The following THSD7A variants were observed in gnomAD, a reference collection of about 807,000 sequenced individuals.
The protein encoded by THSD7A is thrombospondin type-1 domain-containing protein 7A.
A neutral mutation model predicts 231.3 loss-of-function variants in THSD7A; 96 were observed. That is an observed-to-expected ratio of 0.41 (90% confidence interval 0.35 to 0.49). The LOEUF (loss-of-function observed/expected upper bound fraction) is 0.49. THSD7A is among the 20% of genes least tolerant of loss of function. THSD7A has a pLI of 0.05. For missense variants in THSD7A, 2,290 were observed against 2,070.2 expected (o/e 1.11, Z -2.06); for synonymous variants, 940 against 743.3 (o/e 1.26, Z -4.30).
intron 6 of THSD7A, among the ~76,000 whole-genome samples, chr7:11,540,979 C>T (rs1385695216): frequency 1.3e-5 from 2 of 152,098 alleles, no homozygotes; most frequent in Non-Finnish European, 2.9e-5. Context: ...GACACGATAT[C>T]AGGGAGGTTA....
At chr7:11,522,824 A>C (rs902742895) in intron 6 of THSD7A, among the ~76,000 whole-genome samples, 14 of 152,166 alleles carry the variant, frequency 9.2e-5, no homozygotes, top group Non-Finnish European at 5.9e-5. Context: ...GGAAAATAAA[A>C]ATATCAATTC....
chr7:11,448,078 C>T (rs1785032226), intron 11 of THSD7A, among the ~76,000 whole-genome samples: 1 of 152,070 alleles, frequency 6.6e-6, no homozygotes, highest in South Asian at 2.1e-4. Flanking sequence ...TCTACAAGTT[C>T]TTCACATGCA....
At chr7:11,811,867 G>A (rs918142969) in intron 1 of THSD7A, among the ~76,000 whole-genome samples, 6 of 152,100 alleles carry the variant, frequency 3.9e-5, no homozygotes, top group Admixed American at 3.9e-4. Context: ...CCCTTTAAAG[G>A]ACACAGTGAA....
intron 6 of THSD7A, among the ~76,000 whole-genome samples, chr7:11,535,060 T>C (rs1310573576): frequency 6.6e-6 from 1 of 152,228 alleles, no homozygotes; most frequent in Non-Finnish European, 1.5e-5. Context: ...GGCTATTTTA[T>C]ATTTGCCATT....
chr7:11,811,501 A>G (rs1583309905), intron 1 of THSD7A, among the ~76,000 whole-genome samples: 1 of 152,180 alleles, frequency 6.6e-6, no homozygotes, highest in African/African-American at 2.4e-5. Context: ...AAAGAAACCT[A>G]CTGTATAAAT....
intron 6 of THSD7A, among the ~76,000 whole-genome samples, chr7:11,535,015 G>A (rs1483773356): frequency 6.6e-6 from 1 of 152,096 alleles, no homozygotes; most frequent in Non-Finnish European, 1.5e-5. Flanking sequence ...GCTCTGTGTT[G>A]TGTTAAGGTA....
chr7:11,386,652 C>T (rs1390839761), intron 23 of THSD7A, among the ~76,000 whole-genome samples: 4 of 152,270 alleles, frequency 2.6e-5, no homozygotes, highest in Admixed American at 6.5e-5. Flanking sequence ...TTCTCCCAAT[C>T]GGCAGGTTGC....
At chr7:11,493,070 A>C (rs914688893) in intron 6 of THSD7A, among the ~76,000 whole-genome samples, 2 of 152,128 alleles carry the variant, frequency 1.3e-5, no homozygotes, top group African/African-American at 4.8e-5. Context: ...GCATTTATGA[A>C]AAGTTGCTCA....
At chr7:11,548,592 C>T in intron 4 of THSD7A, among the ~76,000 whole-genome samples, 1 of 152,056 alleles carries the variant, frequency 6.6e-6, no homozygotes, top group East Asian at 1.9e-4. Context: ...CCCTGATGAA[C>T]ATAGATGCAA....
intron 1 of THSD7A, among the ~76,000 whole-genome samples, chr7:11,735,520 G>A (rs575206908): frequency 6.6e-6 from 1 of 151,718 alleles, no homozygotes; most frequent in South Asian, 2.1e-4. Context: ...TAATTTTTAT[G>A]TTTAGACTTG....
intron 1 of THSD7A, among the ~76,000 whole-genome samples, chr7:11,651,430 A>G (rs1365071336): frequency 6.6e-6 from 1 of 152,022 alleles, no homozygotes; most frequent in East Asian, 1.9e-4. Context: ...TGGTCAAAAT[A>G]GTAAATTTTA....
intron 22 of THSD7A, 50 bp from the exon 23 acceptor site, chr7:11,402,018 A>G: frequency 2.6e-6 from 4 of 1,531,682 alleles, no homozygotes; most frequent in Non-Finnish European, 3.5e-6. Flanking sequence ...GAGAAAAGCC[A>G]GCCCGATAAT....
chr7:11,467,485 GTAAT>G (rs201817778), intron 9 of THSD7A, among the ~76,000 whole-genome samples: 1,670 of 152,164 alleles, frequency 0.011, 25 homozygotes, highest in African/African-American at 0.038. Flanking sequence ...CAATAAATAA[GTAAT>G]TAAATAAGTA....
chr7:11,800,991 A>T (rs1450162914), intron 1 of THSD7A, among the ~76,000 whole-genome samples: 2 of 152,132 alleles, frequency 1.3e-5, no homozygotes, highest in Non-Finnish European at 2.9e-5. Flanking sequence ...GTAAACATAT[A>T]TGTCCAAACT....
At chr7:11,551,716 A>G (rs1789634972) in intron 4 of THSD7A, among the ~76,000 whole-genome samples, 1 of 152,052 alleles carries the variant, frequency 6.6e-6, no homozygotes, top group South Asian at 2.1e-4. Flanking sequence ...CAAGGTTTCT[A>G]AGAAAAGAGA....
At chr7:11,540,590 T>G (rs62432835) in intron 6 of THSD7A, among the ~76,000 whole-genome samples, 2,671 of 152,280 alleles carry the variant, frequency 0.018, 33 homozygotes, top group Middle Eastern at 0.034. Flanking sequence ...ATTCAAGAGA[T>G]AGAGCAACCT....
chr7:11,511,659 A>T (rs1787814527), intron 6 of THSD7A, among the ~76,000 whole-genome samples: 1 of 152,206 alleles, frequency 6.6e-6, no homozygotes, highest in African/African-American at 2.4e-5. Flanking sequence ...TCTTTGACAA[A>T]CCTGAGAAAA....
At chr7:11,548,501 T>C (rs1789492127) in intron 4 of THSD7A, among the ~76,000 whole-genome samples, 1 of 152,018 alleles carries the variant, frequency 6.6e-6, no homozygotes, top group Admixed American at 6.5e-5. Flanking sequence ...CCTCCTTAAC[T>C]CATTCTATGA....
At chr7:11,509,854 A>G (rs1291968947) in intron 6 of THSD7A, among the ~76,000 whole-genome samples, 2 of 149,778 alleles carry the variant, frequency 1.3e-5, no homozygotes, top group African/African-American at 4.9e-5. Context: ...TGAAGAATCA[A>G]AAATAAGTTA....
Sources: gnomAD v4.1 joint callset for allele counts (sites outside exome capture counted in the v4.1 genomes callset) on GRCh38, gnomAD v4.1.1 for gene constraint, MANE v1.5 for transcripts, NCBI Gene and HGNC (gene_info 2026-07-23, HGNC 2026-07-21) for gene names.